Variants in PXDN observed in about 807,000 individuals in gnomAD.
The protein encoded by PXDN is peroxidasin.
PXDN carries 77 observed loss-of-function variants against 140.3 expected under a neutral mutation model. The observed-to-expected ratio is 0.55, with a 90% CI of 0.46 to 0.66. The LOEUF is 0.66. PXDN is among the 30% of genes least tolerant of loss of function. The probability of loss-of-function intolerance (pLI) is 0.00; values close to 1 mark genes in which losing one functional copy is unlikely to be tolerated. For synonymous variants in PXDN, 911 were observed against 857.4 expected (o/e 1.06, Z -1.09); for missense variants, 1,838 against 2,039.5 (o/e 0.90, Z 1.90).
At chr2:1,728,500 C>T (rs1685241335) in intron 1 of PXDN, among the ~76,000 whole-genome samples, 1 of 152,244 alleles carries the variant, frequency 6.6e-6, no homozygotes, top group East Asian at 1.9e-4. Flanking sequence ...GGGGAAAAAT[C>T]GGAGTCACCT....
rs754066579 is a variant in PXDN, at chr2:1,649,067, G to C, written c.2713C>G (p.Gln905Glu). 6.2e-7 allele frequency: 1 copy of C among 1,612,530 alleles called. No homozygotes were observed. The highest frequency in any genetic ancestry group is 1.3e-5 in the African/African-American group (1 of 74,922). Reference sequence around the variant, plus strand: ...GATGCGTCTATGTAGGAGGTGAGCTGGTTGATCTGCTCCCGCGGGTACACG... The same window carrying C: ...GATGCGTCTATGTAGGAGGTGAGCTCGTTGATCTGCTCCCGCGGGTACACG... ...NSVYPREQIN[Q>E]LTSYIDASNV... Residue 905 changes from glutamine to glutamate, a missense_variant, in exon 17 of 23, where the codon CAG (glutamine) becomes GAG (glutamate). Around this residue, in one of 5 missense-constraint regions of PXDN, gnomAD observed 850 missense variants for 894.1 expected, o/e 0.95. Coordinates refer to ENST00000252804, the MANE Select transcript of PXDN (RefSeq NM_012293.3). The surrounding 1 kb of genome is among the most constrained non-coding windows in gnomAD (Gnocchi z 7.1).
rs992978026 is a variant in PXDN, at chr2:1,632,303, G to A, written c.*1901C>T. On this transcript the variant is annotated 3_prime_UTR_variant, in exon 23 of 23. Coordinates refer to ENST00000252804, the MANE Select transcript of PXDN (RefSeq NM_012293.3). This position sits in a 1 kb window ranked among gnomAD's most constrained non-coding sequence, Gnocchi z 4.3. ...ACCATGAGGCCTCCAGGGCATGTAA[G>A]AGGCACAGAACACTCCCAGAACCCA... is the stretch of plus-strand genomic sequence containing the variant. 1.3e-5 allele frequency: 2 copies of A among 152,188 alleles called. No homozygotes were observed. Among genetic ancestry groups the A allele is most frequent in the Admixed American group, 6.5e-5 (1 of 15,280 alleles). The allele number at this position is 152,188 out of a possible 1,614,324, so 9.4% of individuals were successfully genotyped here.
chr2:1,713,206 C>T (rs943476695), intron 1 of PXDN, among the ~76,000 whole-genome samples: 1 of 152,150 alleles, frequency 6.6e-6, no homozygotes, highest in Non-Finnish European at 1.5e-5. Context: ...GCAGGGCCCT[C>T]AGGATTCAGA....
Position 1,638,890 on chromosome 2 carries a change from ACT to A in PXDN, c.4160_4161del (p.Glu1387ValfsTer20). 1 of 1,613,404 alleles carries A rather than the reference ACT, an allele frequency of 6.2e-7. No homozygotes were observed. The highest frequency in any genetic ancestry group is 8.5e-7 in the Non-Finnish European group (1 of 1,179,726). Reference sequence around the variant, plus strand: ...ATGGTCTTCTGCATTTCCAGAACAAACTCTCTGAAGTCATTTGTCCCAGATGC... The same window carrying A: ...ATGGTCTTCTGCATTTCCAGAACAAACTCTGAAGTCATTTGTCCCAGATGC... Reference protein sequence around the residue: ...SDASGTNDFREFVLEMQKTIT... With the variant: ...SDASGTNDFRXFVLEMQKTIT... On this transcript the variant is annotated frameshift_variant, in exon 21 of 23. Transcript: ENST00000252804. LOFTEE classifies it high-confidence loss of function.
Position 1,727,996 on chromosome 2 carries a change from T to C in PXDN, c.200+16260A>G, listed in dbSNP as rs115188837. On this transcript the variant is annotated intron_variant, in intron 1 of 22. Coordinates refer to ENST00000252804, the MANE Select transcript of PXDN (RefSeq NM_012293.3). ...TATTGCCCAGGCTTGAGTGCAGTGATGCAATCACAGCTCACTGCAGCCTTA... is the reference window on the plus strand; with the variant it reads ...TATTGCCCAGGCTTGAGTGCAGTGACGCAATCACAGCTCACTGCAGCCTTA... Among the ~76,000 whole-genome samples, 876 of 152,278 alleles carry C rather than the reference T, an allele frequency of 5.8e-3. 8 individuals are homozygous for C. Among genetic ancestry groups the C allele is most frequent in the African/African-American group, 0.02 (852 of 41,562 alleles).
chr2:1,695,486 G>C (rs113745991), intron 1 of PXDN, among the ~76,000 whole-genome samples: 6 of 81,884 alleles, frequency 7.3e-5, no homozygotes, highest in African/African-American at 1.1e-4. Context: ...CTGCTGGACA[G>C]AGAGGTGCTG....
chr2:1,699,554 C>CA (rs1486338181), intron 1 of PXDN, among the ~76,000 whole-genome samples: 3 of 151,948 alleles, frequency 2.0e-5, no homozygotes, highest in African/African-American at 7.3e-5. Flanking sequence ...ATTAAAAATA[C>CA]AAAAAATTAG....
At chr2:1,670,449 G>A (rs568042409) in intron 9 of PXDN, among the ~76,000 whole-genome samples, 2 of 152,328 alleles carry the variant, frequency 1.3e-5, no homozygotes, top group South Asian at 4.1e-4. Flanking sequence ...TTTGGGAAGA[G>A]GGGAAGGGAA....
chr2:1,725,246 G>C (rs1427587218), intron 1 of PXDN, among the ~76,000 whole-genome samples: 1 of 152,112 alleles, frequency 6.6e-6, no homozygotes, highest in Non-Finnish European at 1.5e-5. Context: ...AGTTCTAATA[G>C]TTTTTAATGG....
intron 11 of PXDN, chr2:1,664,397 C>A: frequency 6.3e-6 from 1 of 157,514 alleles, no homozygotes; most frequent in Admixed American, 6.1e-5. Flanking sequence ...GCCCTCACCC[C>A]AACCCCCATC....
chr2:1,736,614 G>A (rs1685428623), intron 1 of PXDN, among the ~76,000 whole-genome samples: 1 of 152,030 alleles, frequency 6.6e-6, no homozygotes, highest in South Asian at 2.1e-4. Context: ...GAAGCCAGGA[G>A]TTGAAGACCA....
intron 16 of PXDN, among the ~76,000 whole-genome samples, chr2:1,652,628 G>C (rs1683040198): frequency 6.6e-6 from 1 of 151,768 alleles, no homozygotes; most frequent in Non-Finnish European, 1.5e-5. Context: ...GCCAGGAGAG[G>C]ATCAGGAAGC....
chr2:1,676,139 C>G (rs995742783), intron 8 of PXDN: 1 of 152,472 alleles, frequency 6.6e-6, no homozygotes, highest in South Asian at 2.1e-4. Flanking sequence ...CCCCTGCACC[C>G]AGGTCCTGCC....
intron 8 of PXDN, among the ~76,000 whole-genome samples, chr2:1,675,673 G>T (rs1683686102): frequency 6.6e-6 from 1 of 152,180 alleles, no homozygotes; most frequent in Non-Finnish European, 1.5e-5. Context: ...CACTGGGGAT[G>T]GCCAGCTCCC....
At chr2:1,655,258 CACCTACACAGA>C (rs1292108047) in intron 14 of PXDN, among the ~76,000 whole-genome samples, 1 of 151,180 alleles carries the variant, frequency 6.6e-6, no homozygotes, top group Non-Finnish European at 1.5e-5. Context: ...ACACATACGC[CACCTACACAGA>C]ACATTATATA....
chr2:1,729,186 T>C (rs1685257936), intron 1 of PXDN, among the ~76,000 whole-genome samples: 1 of 152,174 alleles, frequency 6.6e-6, no homozygotes, highest in Admixed American at 6.5e-5. Flanking sequence ...GCTAGATGGT[T>C]TGGCTCTCAG....
At chr2:1,652,453 A>G (rs1031124488) in intron 16 of PXDN, among the ~76,000 whole-genome samples, 2 of 151,230 alleles carry the variant, frequency 1.3e-5, no homozygotes, top group Non-Finnish European at 2.9e-5. Context: ...AAAGTGCCCA[A>G]TAAATACTTG....
At chr2:1,706,209 G>A (rs1303456763) in intron 1 of PXDN, among the ~76,000 whole-genome samples, 3 of 152,196 alleles carry the variant, frequency 2.0e-5, no homozygotes, top group Non-Finnish European at 4.4e-5. Flanking sequence ...TTGGGAGCTG[G>A]TCTGTCCAGC....
chr2:1,667,854 TA>T lies in PXDN; in HGVS notation c.1019-1369del, dbSNP rs201927456. Among the ~76,000 whole-genome samples the T allele has an allele frequency of 9.3e-3, 1,413 of 152,288 alleles. 24 individuals are homozygous for T. Among genetic ancestry groups the T allele is most frequent in the African/African-American group, 0.032 (1,319 of 41,540 alleles). The stretch of plus-strand genomic sequence containing the variant: ...CGTGCTCATGGACAGGAAGAATCAA[TA>T]TTGTGAAAATGGCCATACTGCCCAA... On this transcript the variant is annotated intron_variant, in intron 9 of 22. Coordinates refer to ENST00000252804, the MANE Select transcript of PXDN (RefSeq NM_012293.3).
Sources: gnomAD v4.1 joint callset for allele counts (sites outside exome capture counted in the v4.1 genomes callset) on GRCh38, gnomAD v4.1.1 for gene constraint, gnomAD v4.1.1 regional missense constraint, Gnocchi (gnomAD v3.1) non-coding constraint, MANE v1.5 for transcripts, NCBI Gene and HGNC (gene_info 2026-07-23, HGNC 2026-07-21) for gene names.